BRDT: variants seen among roughly 807,000 people sequenced by gnomAD.
The protein encoded by BRDT is bromodomain testis associated.
Under a neutral mutation model 113.9 loss-of-function variants are expected in BRDT, and 77 were observed. The ratio of observed to expected loss-of-function variants is 0.68; its 90% CI spans 0.56 to 0.82. The LOEUF (loss-of-function observed/expected upper bound fraction) is 0.82. Among genes scored for constraint, BRDT ranks in the 40% least tolerant of loss-of-function variants. The probability of loss-of-function intolerance (pLI) is 0.00; values close to 1 mark genes in which losing one functional copy is unlikely to be tolerated. For synonymous variants in BRDT, 358 were observed against 366.5 expected (o/e 0.98, Z 0.26); for missense variants, 1,027 against 1,105.4 (o/e 0.93, Z 1.01).
At chr1:92,001,999 A>G (rs761164888) in intron 15 of BRDT, 50 bp from the exon 16 acceptor site, 5 of 1,334,874 alleles carry the variant, frequency 3.7e-6, no homozygotes, top group Non-Finnish European at 4.2e-6. Flanking sequence ...ATTCTGGGTA[A>G]GTAGGATGAA....
At chr1:91,989,957 T>C (rs1263223594) in intron 12 of BRDT, among the ~76,000 whole-genome samples, 2 of 152,142 alleles carry the variant, frequency 1.3e-5, no homozygotes, top group African/African-American at 4.8e-5. Context: ...TTATTAAAAT[T>C]AGAATGTTTT....
chr1:91,969,826 T>G (rs1376488428), intron 4 of BRDT, among the ~76,000 whole-genome samples: 47 of 138,098 alleles, frequency 3.4e-4, no homozygotes, highest in South Asian at 1.4e-3. Context: ...TGTGTGTGTT[T>G]TTTTTTTTTT....
chr1:91,995,251 T>C (rs1686188728), intron 15 of BRDT, among the ~76,000 whole-genome samples: 1 of 152,164 alleles, frequency 6.6e-6, no homozygotes, highest in Admixed American at 6.5e-5. Flanking sequence ...CCCTCTAGAA[T>C]GTTCCCTGGT....
chr1:91,981,891 T>A, intron 12 of BRDT, 136 bp downstream of exon 12: 1 of 1,209,622 alleles, frequency 8.3e-7, no homozygotes, highest in Non-Finnish European at 1.1e-6. Context: ...TTTAATTGCA[T>A]GTTGACAATC....
At chr1:91,997,596 A>G (rs1034485148) in intron 15 of BRDT, among the ~76,000 whole-genome samples, 1 of 152,212 alleles carries the variant, frequency 6.6e-6, no homozygotes, top group Admixed American at 6.5e-5. Context: ...CTTATTCCTA[A>G]TTTAAGAAAA....
Position 91,986,610 on chromosome 1 carries a change from A to C in BRDT, c.2003-4574A>C, listed in dbSNP as rs143362292. Among the ~76,000 whole-genome samples, 887 of 152,332 alleles carry C rather than the reference A, an allele frequency of 5.8e-3. 10 individuals carry two copies. The highest frequency in any genetic ancestry group is 0.042 in the Admixed American group (639 of 15,290). ...TTGGATTTAGTGTAATGTTCAGAGAATGAAATTTATAAGTTCTTTAAATAA... is the reference window on the plus strand; with the variant it reads ...TTGGATTTAGTGTAATGTTCAGAGACTGAAATTTATAAGTTCTTTAAATAA... On this transcript the variant is annotated intron_variant, in intron 12 of 18. Coordinates refer to ENST00000399546, the MANE Select transcript of BRDT (RefSeq NM_207189.4).
chr1:91,996,545 C>T (rs1686358082), intron 15 of BRDT, among the ~76,000 whole-genome samples: 1 of 152,182 alleles, frequency 6.6e-6, no homozygotes, highest in African/African-American at 2.4e-5. Flanking sequence ...CCACACCCAG[C>T]CCCAGGTTTT....
chr1:91,968,202 A>G lies in BRDT; in HGVS notation c.387A>G (p.Lys129=), dbSNP rs1008746553. The change falls in exon 4 of 19, where the codon AAA becomes AAG. Residue 129 remains lysine (K), a synonymous_variant. Transcript: ENST00000399546. ...AQALEKLFMQ[K]LSQMPQEEQV... The stretch of plus-strand genomic sequence containing the variant: ...CTCTAGAGAAGCTGTTTATGCAGAA[A>G]TTATCTCAGATGCCACAAGAAGAGC... The G allele has an allele frequency of 4.4e-5, 71 of 1,613,980 alleles. No individual in the cohort carries two copies. Among genetic ancestry groups the G allele is most frequent in the Non-Finnish European group, 5.8e-5 (69 of 1,179,996 alleles).
chr1:91,997,317 G>C (rs547141505), intron 15 of BRDT, among the ~76,000 whole-genome samples: 2 of 152,278 alleles, frequency 1.3e-5, no homozygotes, highest in East Asian at 3.9e-4. Flanking sequence ...TGAATGTAAA[G>C]CATTCTTTGA....
intron 3 of BRDT, 146 bp downstream of exon 3, chr1:91,964,910 A>ATTTT (rs1302641462): frequency 1.3e-5 from 3 of 234,834 alleles, no homozygotes; most frequent in African/African-American, 2.6e-5. Context: ...TGTGTATATA[A>ATTTT]TTTTTTTTTT....
At position 91,992,250 on chromosome 1, in the gene BRDT, A is replaced by G. The variant is rs1685855806; in HGVS notation, c.2065-14A>G. ...TAATATGATTAATGCTATAATCTATATAATTATTTTTAGAAAATGAAGAAT... is the reference window on the plus strand; with the variant it reads ...TAATATGATTAATGCTATAATCTATGTAATTATTTTTAGAAAATGAAGAAT... On this transcript the variant is annotated splice_polypyrimidine_tract_variant and intron_variant, in intron 13 of 18. Transcript: ENST00000399546. 7.3e-7 allele frequency: 1 copy of G among 1,366,054 alleles called. No homozygotes were observed. Among genetic ancestry groups the G allele is most frequent in the South Asian group, 1.4e-5 (1 of 69,110 alleles). 84.6% of individuals were successfully genotyped at this position (1,366,054 alleles called of 1,614,324 possible).
chr1:91,987,960 C>T (rs2101718916), intron 12 of BRDT, among the ~76,000 whole-genome samples: 1 of 152,184 alleles, frequency 6.6e-6, no homozygotes, highest in East Asian at 1.9e-4. Flanking sequence ...AGCAATTCTT[C>T]TGCCTCAGCC....
intron 15 of BRDT, among the ~76,000 whole-genome samples, chr1:92,001,710 A>AC (rs1473618780): frequency 6.6e-6 from 1 of 152,044 alleles, no homozygotes. Context: ...AAAAAAAAAA[A>AC]ACACACCTCT....
intron 15 of BRDT, among the ~76,000 whole-genome samples, chr1:91,994,838 A>C (rs1465076923): frequency 2.3e-5 from 3 of 128,554 alleles, no homozygotes; most frequent in Non-Finnish European, 1.6e-5. Context: ...ACTGCACTCC[A>C]GCCTGGGCGA....
intron 7 of BRDT, among the ~76,000 whole-genome samples, chr1:91,979,011 A>AAAC (rs71091252): frequency 0.44 from 56,560 of 128,462 alleles, 13,962 homozygotes; most frequent in South Asian, 0.52. Flanking sequence ...AAAAAAAAAA[A>AAAC]AACAACAACA....
intron 12 of BRDT, among the ~76,000 whole-genome samples, chr1:91,984,912 T>G (rs560886333): frequency 1.9e-4 from 29 of 152,174 alleles, no homozygotes; most frequent in Non-Finnish European, 3.8e-4. Flanking sequence ...GTGCTGGGAT[T>G]ACAGGTCTGA....
intron 4 of BRDT, 74 bp from the exon 5 acceptor site, chr1:91,976,192 T>G: frequency 7.2e-7 from 1 of 1,390,888 alleles, no homozygotes; most frequent in Non-Finnish European, 9.6e-7. Context: ...CTAAATGAAA[T>G]AGAAAATAAG....
At chr1:91,966,168 A>C (rs999520606) in intron 3 of BRDT, among the ~76,000 whole-genome samples, 7 of 152,030 alleles carry the variant, frequency 4.6e-5, no homozygotes, top group African/African-American at 1.2e-4. Flanking sequence ...TTTCTTCCAT[A>C]TAGTATTCCC....
At chr1:91,958,214 C>CTCT (rs1682012581) in intron 1 of BRDT, among the ~76,000 whole-genome samples, 5 of 127,344 alleles carry the variant, frequency 3.9e-5, no homozygotes, top group Non-Finnish European at 8.0e-5. Context: ...AACTCATGCC[C>CTCT]TTTTTTTTTT....
Sources: allele counts gnomAD v4.1 joint callset (sites outside exome capture counted in the v4.1 genomes callset), GRCh38; gene constraint gnomAD v4.1.1; transcripts MANE v1.5; gene names NCBI Gene and HGNC (gene_info 2026-07-23, HGNC 2026-07-21).